TRIM37: variants seen among roughly 807,000 people sequenced by gnomAD.
TRIM37 encodes the protein tripartite motif containing 37.
Under a neutral mutation model 129.8 loss-of-function variants are expected in TRIM37, and 80 were observed. The observed-to-expected ratio is 0.62, with a 90% CI of 0.51 to 0.74. The LOEUF (loss-of-function observed/expected upper bound fraction) is 0.74, where lower values mean the gene tolerates loss of function less well. Among genes scored for constraint, TRIM37 ranks in the 30% least tolerant of loss-of-function variants. TRIM37 has a pLI of 0.00. For missense variants in TRIM37, 1,054 were observed against 1,176.5 expected (o/e 0.90, Z 1.52); for synonymous variants, 389 against 387.1 (o/e 1.00, Z -0.06).
At chr17:59,076,138 G>A (rs2042792231) in intron 7 of TRIM37, among the ~76,000 whole-genome samples, 2 of 152,058 alleles carry the variant, frequency 1.3e-5, no homozygotes, top group Non-Finnish European at 2.9e-5. Context: ...AGATTTTTAG[G>A]TTAAATGTCA....
At chr17:59,099,102 G>A (rs2045209024) in intron 2 of TRIM37, among the ~76,000 whole-genome samples, 1 of 152,140 alleles carries the variant, frequency 6.6e-6, no homozygotes, top group Non-Finnish European at 1.5e-5. Flanking sequence ...AGACTCGCTT[G>A]AACCTCGGAG....
chr17:58,998,687 G>A lies in TRIM37; in HGVS notation c.*690C>T, dbSNP rs571723414. On this transcript the variant is annotated 3_prime_UTR_variant, in exon 24 of 24. Transcript: ENST00000262294. Reference sequence around the variant, plus strand: ...GAAAGAATTTTAAATAATCTTACACGTGTCTACAGGGCCAGGAACGTAATG... The same window carrying A: ...GAAAGAATTTTAAATAATCTTACACATGTCTACAGGGCCAGGAACGTAATG... 46 of 985,250 alleles carry A rather than the reference G, an allele frequency of 4.7e-5. No homozygotes were observed. Among genetic ancestry groups the A allele is most frequent in the Non-Finnish European group, 5.1e-5 (42 of 829,916 alleles). The allele number at this position is 985,250 out of a possible 1,614,324, so 61.0% of individuals were successfully genotyped here.
chr17:59,091,569 ATATATATAATGTATAATATAT>A (rs2044358391), intron 2 of TRIM37, among the ~76,000 whole-genome samples: 1 of 3,408 alleles, frequency 2.9e-4, no homozygotes, highest in African/African-American at 1.3e-3. Flanking sequence ...TATATATATA[ATATATATAATGTATAATATAT>A]TATACATTAT....
chr17:59,079,557 T>A (rs1211705769), intron 7 of TRIM37, among the ~76,000 whole-genome samples, 197 bp downstream of exon 7: 4 of 152,192 alleles, frequency 2.6e-5, no homozygotes, highest in Non-Finnish European at 5.9e-5. Flanking sequence ...TGGATTTTCA[T>A]CCAAATGGCT....
rs575591592 is a variant in TRIM37 at position 59,026,641 on chromosome 17, C to T, written c.2257+1774G>A. 6.5e-4 allele frequency among the ~76,000 whole-genome samples: 99 copies of T among 152,262 alleles called. 1 individual carries two copies. In the South Asian group the frequency reaches 9.3e-3, roughly 14 times the overall value. The stretch of plus-strand genomic sequence containing the variant: ...ACATTGGAGAGGACACAAAAAAGGA[C>T]ACCCCTGCCAACAAGAAACTATTGA... On this transcript the variant is annotated intron_variant, in intron 19 of 23. Coordinates refer to ENST00000262294, the MANE Select transcript of TRIM37 (RefSeq NM_015294.6).
chr17:59,053,069 TCA>T, intron 13 of TRIM37, among the ~76,000 whole-genome samples: 1 of 152,316 alleles, frequency 6.6e-6, no homozygotes, highest in East Asian at 1.9e-4. Context: ...CAGAGACGAT[TCA>T]CAGTCTAGGA....
In TRIM37 at chr17:59,015,848, G is replaced by A. The variant is rs201658378; in HGVS notation, c.2387-49C>T. The A allele has an allele frequency of 1.2e-4, 187 of 1,582,268 alleles. 1 individual carries two copies. Among genetic ancestry groups the A allele is most frequent in the Admixed American group, 2.9e-4 (17 of 59,016 alleles). On this transcript the variant is annotated intron_variant, in intron 20 of 23. Coordinates refer to ENST00000262294, the MANE Select transcript of TRIM37 (RefSeq NM_015294.6). The stretch of plus-strand genomic sequence containing the variant: ...ACAAAAATTAGCTGGGCATGGTGGT[G>A]TGCGCCTGTAATCCCAGCTACTTGG...
intron 4 of TRIM37, 138 bp downstream of exon 4, chr17:59,088,153 C>T (rs2043945147): frequency 1.5e-6 from 1 of 664,266 alleles, no homozygotes; most frequent in South Asian, 1.7e-5. Flanking sequence ...AGTAACAGCG[C>T]ATGACTGAAA....
At chr17:59,043,452 T>C (rs1258294032) in intron 16 of TRIM37, among the ~76,000 whole-genome samples, 1 of 152,214 alleles carries the variant, frequency 6.6e-6, no homozygotes, top group East Asian at 1.9e-4. Flanking sequence ...ACTTCCTAAC[T>C]TGGTGTTACA....
At chr17:59,006,047 T>C (rs1290045467) in intron 22 of TRIM37, among the ~76,000 whole-genome samples, 1 of 152,196 alleles carries the variant, frequency 6.6e-6, no homozygotes, top group Admixed American at 6.5e-5. Flanking sequence ...AAATTAATTC[T>C]AATAAGACAA....
rs2033362907 is a variant in TRIM37 at position 58,999,311 on chromosome 17, T to G, written c.*66A>C. On this transcript the variant is annotated 3_prime_UTR_variant, in exon 24 of 24. Transcript: ENST00000262294. ...CTGATTATCTGACTGATGACAAATT[T>G]GAGCACCAACTACAGCAAAATTCAG... The G allele has an allele frequency of 6.2e-7, 1 of 1,611,920 alleles. No homozygotes were observed. Among genetic ancestry groups the G allele is most frequent in the East Asian group, 2.2e-5 (1 of 44,740 alleles).
intron 22 of TRIM37, 101 bp downstream of exon 22, chr17:59,012,227 G>GCAGCAGCAGCACCAC (rs72443487): frequency 4.9e-6 from 3 of 610,750 alleles, no homozygotes; most frequent in Non-Finnish European, 8.8e-6. Flanking sequence ...AGCAGCAGCA[G>GCAGCAGCAGCACCAC]CACCACCACC....
chr17:59,010,051 T>C (rs2144840724), intron 22 of TRIM37, among the ~76,000 whole-genome samples: 1 of 152,298 alleles, frequency 6.6e-6, no homozygotes, highest in Middle Eastern at 3.4e-3. Flanking sequence ...CTTGCCGCCC[T>C]CCTACCAATA....
chr17:59,036,481 T>TGTGTGTGTGTGC (rs919547648), intron 17 of TRIM37, among the ~76,000 whole-genome samples: 1 of 149,750 alleles, frequency 6.7e-6, no homozygotes, highest in Non-Finnish European at 1.5e-5. Context: ...TGTGTGTGTG[T>TGTGTGTGTGTGC]GTGCACGCGT....
At chr17:59,047,976 A>C (rs1449690056) in intron 15 of TRIM37, among the ~76,000 whole-genome samples, 157 bp from the exon 16 acceptor site, 1 of 152,186 alleles carries the variant, frequency 6.6e-6, no homozygotes, top group Non-Finnish European at 1.5e-5. Flanking sequence ...GTAGAGAAAA[A>C]TCACACAACC....
At chr17:59,010,483 A>G (rs1007928806) in intron 22 of TRIM37, among the ~76,000 whole-genome samples, 2 of 152,156 alleles carry the variant, frequency 1.3e-5, no homozygotes, top group African/African-American at 4.8e-5. Context: ...TGTTGCATGA[A>G]AAAAATGAGC....
At chr17:59,045,133 T>C (rs931634443) in intron 16 of TRIM37, among the ~76,000 whole-genome samples, 1 of 152,036 alleles carries the variant, frequency 6.6e-6, no homozygotes, top group African/African-American at 2.4e-5. Flanking sequence ...GAGATCATCC[T>C]GGCTAACACG....
At chr17:59,079,733 G>A in intron 7 of TRIM37, 21 bp downstream of exon 7, 1 of 1,613,516 alleles carries the variant, frequency 6.2e-7, no homozygotes, top group Non-Finnish European at 8.5e-7. Context: ...AGGTACCCCA[G>A]CAGCATACAT....
At chr17:59,056,747 A>AAAAAAAG (rs2040952379) in intron 13 of TRIM37, 128 bp downstream of exon 13, 3 of 427,712 alleles carry the variant, frequency 7.0e-6, no homozygotes, top group African/African-American at 2.2e-5. Context: ...AAAAAAAAAA[A>AAAAAAAG]GGTGATAAGG....
Sources: allele counts gnomAD v4.1 joint callset (sites outside exome capture counted in the v4.1 genomes callset), GRCh38; gene constraint gnomAD v4.1.1; transcripts MANE v1.5; gene names NCBI Gene and HGNC (gene_info 2026-07-23, HGNC 2026-07-21).